The following AKAP19 variants were observed in gnomAD, a reference collection of about 807,000 sequenced individuals.
The protein encoded by AKAP19 is small A-kinase anchoring protein.
chr2:190,122,397 A>C, the AKAP19 span, among the ~76,000 whole-genome samples: 1 of 152,186 alleles, frequency 6.6e-6, no homozygotes, highest in East Asian at 1.9e-4. Context: ...CTGCTCACTT[A>C]TGTCAGTTTC....
chr2:190,041,075 C>T, the AKAP19 span, among the ~76,000 whole-genome samples: 3 of 152,042 alleles, frequency 2.0e-5, no homozygotes, highest in Admixed American at 6.6e-5. Context: ...ATTCGTAGTT[C>T]GATGGAAGTA....
chr2:190,031,797 C>A, the AKAP19 span, among the ~76,000 whole-genome samples: 1 of 152,112 alleles, frequency 6.6e-6, no homozygotes, highest in South Asian at 2.1e-4. Context: ...TTCCACTGTC[C>A]TGGAAAGAAT....
At chr2:190,143,832 T>G in the AKAP19 span, among the ~76,000 whole-genome samples, 1 of 149,778 alleles carries the variant, frequency 6.7e-6, no homozygotes, top group Non-Finnish European at 1.5e-5. Flanking sequence ...CATGGAATAC[T>G]ATGCAGCCAT....
chr2:190,103,535 T>C, the AKAP19 span, among the ~76,000 whole-genome samples: 1 of 152,232 alleles, frequency 6.6e-6, no homozygotes, highest in African/African-American at 2.4e-5. Flanking sequence ...AGCATTTCTA[T>C]ACACCAATAT....
At chr2:190,025,306 A>G in the AKAP19 span, among the ~76,000 whole-genome samples, 3 of 152,204 alleles carry the variant, frequency 2.0e-5, no homozygotes, top group African/African-American at 7.2e-5. Flanking sequence ...AAGGTGTTTC[A>G]GGATCTGTCT....
chr2:189,931,646 C>T, the AKAP19 span, among the ~76,000 whole-genome samples: 1 of 152,010 alleles, frequency 6.6e-6, no homozygotes, highest in East Asian at 1.9e-4. Flanking sequence ...AACTCTTGTC[C>T]TCAAGTGATC....
chr2:190,044,875 A>T, the AKAP19 span, among the ~76,000 whole-genome samples: 2 of 152,146 alleles, frequency 1.3e-5, no homozygotes, highest in Non-Finnish European at 2.9e-5. Context: ...GCCCAAAGGC[A>T]CCTGTAGGAG....
the AKAP19 span, among the ~76,000 whole-genome samples, chr2:189,990,136 T>C: frequency 6.6e-6 from 1 of 152,212 alleles, no homozygotes; most frequent in East Asian, 1.9e-4. Flanking sequence ...TGTTGCTTGT[T>C]GCACTAGCTT....
At chr2:190,173,270 C>T in the AKAP19 span, among the ~76,000 whole-genome samples, 1 of 152,164 alleles carries the variant, frequency 6.6e-6, no homozygotes, top group African/African-American at 2.4e-5. Flanking sequence ...TGAAATATCA[C>T]AAACCATAAA....
At chr2:189,976,405 A>G in the AKAP19 span, among the ~76,000 whole-genome samples, 4 of 152,192 alleles carry the variant, frequency 2.6e-5, no homozygotes, top group East Asian at 1.9e-4. Context: ...GTGCCTCCCA[A>G]TTAGGCTCTT....
the AKAP19 span, among the ~76,000 whole-genome samples, chr2:189,961,228 C>G: frequency 6.6e-6 from 1 of 152,064 alleles, no homozygotes; most frequent in Non-Finnish European, 1.5e-5. Context: ...ACATACATAC[C>G]CCAATATAGA....
At chr2:190,012,916 G>C in the AKAP19 span, among the ~76,000 whole-genome samples, 7 of 152,102 alleles carry the variant, frequency 4.6e-5, no homozygotes, top group Non-Finnish European at 7.4e-5. Context: ...TACATTTGTA[G>C]ATTTATGTAT....
the AKAP19 span, among the ~76,000 whole-genome samples, chr2:190,096,397 C>T: frequency 6.6e-6 from 1 of 152,206 alleles, no homozygotes; most frequent in African/African-American, 2.4e-5. Flanking sequence ...AGAATGAACT[C>T]TTCATGAGAT....
At chr2:190,067,311 T>A in the AKAP19 span, among the ~76,000 whole-genome samples, 1 of 152,148 alleles carries the variant, frequency 6.6e-6, no homozygotes, top group East Asian at 1.9e-4. Flanking sequence ...TTTCATAGAC[T>A]CTCTGGAAGA....
At chr2:190,051,535 G>A in the AKAP19 span, among the ~76,000 whole-genome samples, 2 of 152,164 alleles carry the variant, frequency 1.3e-5, no homozygotes, top group African/African-American at 4.8e-5. Flanking sequence ...TGCTGGCCCT[G>A]CAGTTGCAGA....
the AKAP19 span, among the ~76,000 whole-genome samples, chr2:189,966,525 T>C: frequency 1.3e-5 from 2 of 152,102 alleles, no homozygotes; most frequent in Admixed American, 1.3e-4. Flanking sequence ...CACCAGGAGT[T>C]TGGGATGGGA....
the AKAP19 span, among the ~76,000 whole-genome samples, chr2:189,939,942 C>T: frequency 4.0e-5 from 6 of 151,504 alleles, no homozygotes; most frequent in African/African-American, 9.7e-5. Context: ...GTCAGGAGTT[C>T]GAGACCAGCC....
the AKAP19 span, chr2:190,181,374 C>T: frequency 6.5e-6 from 1 of 154,960 alleles, no homozygotes; most frequent in Non-Finnish European, 1.4e-5. Context: ...CAATTCCACC[C>T]TGCTGCCTAC....
chr2:190,121,942 A>C, the AKAP19 span, among the ~76,000 whole-genome samples: 8 of 152,232 alleles, frequency 5.3e-5, no homozygotes, highest in African/African-American at 1.9e-4. Context: ...TTGCTGATGA[A>C]TGAGAACTTC....
Sources: gnomAD v4.1 joint callset for allele counts (sites outside exome capture counted in the v4.1 genomes callset) on GRCh38, gnomAD v4.1.1 for gene constraint, MANE v1.5 for transcripts, NCBI Gene and HGNC (gene_info 2026-07-23, HGNC 2026-07-21) for gene names.